Variants in PCLO observed in about 807,000 individuals in gnomAD.
The protein encoded by PCLO is piccolo presynaptic cytomatrix protein, also known as protein piccolo.
In PCLO, 82 loss-of-function variants were observed where a neutral mutation model predicts 427.5. The observed-to-expected ratio is 0.19, with a 90% confidence interval of 0.16 to 0.23. PCLO has a LOEUF of 0.23. Among genes scored for constraint, PCLO ranks in the 10% least tolerant of loss-of-function variants. PCLO has a pLI of 1.00. For missense variants in PCLO, 6,239 were observed against 6,115.9 expected, an observed-to-expected ratio of 1.02 and a Z score of -0.67; for synonymous variants, 2,357 against 2,155.4, an observed-to-expected ratio of 1.09 and a Z score of -2.59.
At chr7:83,087,976 T>G (rs960772816) in intron 3 of PCLO, among the ~76,000 whole-genome samples, 8 of 152,202 alleles carry the variant, frequency 5.3e-5, no homozygotes, top group African/African-American at 1.7e-4. Flanking sequence ...GAAGGCATAC[T>G]CTAAATATTA....
rs1426678493 is a variant in PCLO at position 82,952,045 on chromosome 7, T to C, written c.8908A>G (p.Arg2970Gly). The part of the protein sequence containing the change: ...TTLPEDRFGY[R>G]DDHYQYDRSG... ...CGATCATACTGATAGTGGTCATCCC[T>C]ATAACCAAAACGATCCTCAGGAAGA... The change falls in exon 5 of 25, where the codon AGG becomes GGG. Residue 2970 changes from arginine to glycine, a missense_variant. By Grantham distance (125) the Arg-to-Gly change is moderately radical (BLOSUM62 -2). Transcript: ENST00000333891. 7 of 1,613,852 alleles carry C rather than the reference T, an allele frequency of 4.3e-6. No homozygotes were observed. Among genetic ancestry groups the C allele is most frequent in the Non-Finnish European group, 5.9e-6 (7 of 1,179,850 alleles).
rs1562792583 is a variant in PCLO at position 82,801,599 on chromosome 7, G to C, written c.14934-8C>G. 1 of 1,530,314 alleles carries C rather than the reference G, an allele frequency of 6.5e-7. No individual in the cohort carries two copies. The highest frequency in any genetic ancestry group is 9.0e-7 in the Non-Finnish European group (1 of 1,106,014). The allele number at this position is 1,530,314 out of a possible 1,614,324, so 94.8% of individuals were successfully genotyped here. A position where few individuals can be genotyped will look rare whatever the true frequency, so the allele number is the denominator to read the frequency against. On this transcript the variant is annotated splice_region_variant and splice_polypyrimidine_tract_variant and intron_variant, in intron 21 of 24. Coordinates refer to ENST00000333891, the MANE Select transcript of PCLO (RefSeq NM_033026.6). ...TTCTGTCCCATCTTCCCTCTGTTTAGAAATAAAATAAAATGATATATTCAG... is the reference window on the plus strand; with the variant it reads ...TTCTGTCCCATCTTCCCTCTGTTTACAAATAAAATAAAATGATATATTCAG...
At chr7:83,118,448 G>A (rs1791188162) in intron 3 of PCLO, among the ~76,000 whole-genome samples, 1 of 152,082 alleles carries the variant, frequency 6.6e-6, no homozygotes, top group Non-Finnish European at 1.5e-5. Flanking sequence ...ACAGAAGAGG[G>A]TAGAAAGGAC....
At chr7:83,063,432 A>G (rs1789588443) in intron 3 of PCLO, among the ~76,000 whole-genome samples, 1 of 152,106 alleles carries the variant, frequency 6.6e-6, no homozygotes, top group Non-Finnish European at 1.5e-5. Context: ...AATAGAAGCC[A>G]TATTTCAAAT....
chr7:82,954,397 A>T lies in PCLO; in HGVS notation c.6556T>A (p.Ser2186Thr), dbSNP rs1258039438. ...VPPSDTPSLTSSVSSVCTTDS... is the reference protein window; with the variant it reads ...VPPSDTPSLTTSVSSVCTTDS... Reference sequence around the variant, plus strand: ...GTGGTACAGACCGAAGAAACAGATGATGTGAGAGAAGGTGTGTCAGAGGGT... The same window carrying T: ...GTGGTACAGACCGAAGAAACAGATGTTGTGAGAGAAGGTGTGTCAGAGGGT... The change falls in exon 5 of 25, where the codon TCA becomes ACA. Residue 2186 changes from serine (S) to threonine (T), a missense_variant. Physicochemically the swap from Ser to Thr is moderately conservative, Grantham distance 58 (BLOSUM62 1). Transcript: ENST00000333891. 12 of 1,613,920 alleles carry T rather than the reference A, an allele frequency of 7.4e-6. No homozygotes were observed. Among genetic ancestry groups the T allele is most frequent in the Non-Finnish European group, 8.5e-6 (10 of 1,179,844 alleles).
In PCLO at chr7:83,036,062, T is replaced by C. The variant is rs374562440; in HGVS notation, c.3301-69575A>G. Reference sequence around the variant, plus strand: ...CTTCCTATAAAATATGTTAGTTTATTTGGGACTCAGGTTCTGTCCTGATCC... The same window carrying C: ...CTTCCTATAAAATATGTTAGTTTATCTGGGACTCAGGTTCTGTCCTGATCC... On this transcript the variant is annotated intron_variant, in intron 3 of 24. Coordinates refer to ENST00000333891, the MANE Select transcript of PCLO (RefSeq NM_033026.6). Among the ~76,000 whole-genome samples, 5 of 152,314 alleles carry C rather than the reference T, an allele frequency of 3.3e-5. No individual in the cohort carries two copies. The South Asian group carries it at 1.0e-3, about 32-fold the overall frequency.
chr7:83,125,018 G>A (rs914948732), intron 3 of PCLO, among the ~76,000 whole-genome samples: 1 of 152,138 alleles, frequency 6.6e-6, no homozygotes, highest in African/African-American at 2.4e-5. Context: ...GGCCTCCCGA[G>A]GTGCTGGGAT....
chr7:82,858,560 C>T (rs1196013536), intron 10 of PCLO, among the ~76,000 whole-genome samples: 6 of 152,074 alleles, frequency 3.9e-5, no homozygotes, highest in Non-Finnish European at 8.8e-5. Flanking sequence ...ACAGTCAAGA[C>T]TCCACCAAAA....
At chr7:82,764,771 C>T (rs1790498792) in intron 22 of PCLO, among the ~76,000 whole-genome samples, 1 of 151,774 alleles carries the variant, frequency 6.6e-6, no homozygotes, top group Admixed American at 6.6e-5. Context: ...ATCCGTGTAC[C>T]ACTTATGTAA....
At chr7:82,843,746 A>G (rs1584037735) in intron 13 of PCLO, among the ~76,000 whole-genome samples, 1 of 150,432 alleles carries the variant, frequency 6.6e-6, no homozygotes, top group South Asian at 2.1e-4. Context: ...GCTCACTGCA[A>G]CTCCGCCTCC....
chr7:82,806,847 G>C (rs1161560047), intron 20 of PCLO, among the ~76,000 whole-genome samples: 1 of 152,180 alleles, frequency 6.6e-6, no homozygotes, highest in Non-Finnish European at 1.5e-5. Context: ...TCTTCCTCTT[G>C]TGATATTATT....
intron 3 of PCLO, among the ~76,000 whole-genome samples, chr7:83,023,910 CTTTA>C (rs1215673041): frequency 2.0e-5 from 3 of 152,126 alleles, no homozygotes; most frequent in South Asian, 4.1e-4. Flanking sequence ...TTCCTAGAAA[CTTTA>C]TTTTTCTGGA....
chr7:83,007,828 G>C (rs575835259), intron 3 of PCLO, among the ~76,000 whole-genome samples: 48 of 151,492 alleles, frequency 3.2e-4, no homozygotes, highest in Non-Finnish European at 6.2e-4. Flanking sequence ...ATCTACTTCA[G>C]AGAGTTGTTA....
chr7:82,975,806 A>C (rs978143899), intron 3 of PCLO, among the ~76,000 whole-genome samples: 1 of 148,326 alleles, frequency 6.7e-6, no homozygotes, highest in Non-Finnish European at 1.5e-5. Context: ...CATGATAGTG[A>C]GGAAGTTCTC....
intron 2 of PCLO, among the ~76,000 whole-genome samples, chr7:83,145,033 A>G (rs1246746695): frequency 6.6e-6 from 1 of 152,222 alleles, no homozygotes; most frequent in Non-Finnish European, 1.5e-5. Context: ...ACTACTTTAT[A>G]TTGAAGTGAG....
At chr7:82,759,644 T>C (rs910116684) in intron 24 of PCLO, among the ~76,000 whole-genome samples, 2 of 151,970 alleles carry the variant, frequency 1.3e-5, no homozygotes, top group South Asian at 4.1e-4. Context: ...TATCAGTTAA[T>C]CTTCTCAATA....
rs749174291 is a variant in PCLO, at chr7:82,954,870, T to C, written c.6083A>G (p.Asp2028Gly). The C allele has an allele frequency of 1.9e-6, 3 of 1,613,934 alleles. No homozygotes were observed. The highest frequency in any genetic ancestry group is 2.5e-6 in the Non-Finnish European group (3 of 1,179,850). The change falls in exon 5 of 25, where the codon GAT becomes GGT. Residue 2028 changes from aspartate to glycine, a missense_variant. Asp to Gly is a moderately conservative substitution (Grantham distance 94). Coordinates refer to ENST00000333891, the MANE Select transcript of PCLO (RefSeq NM_033026.6). Reference sequence around the variant, plus strand: ...GATGATAAAAGAGCTTGAAACAATATCTTCCTGAGGCACAACAGAATGTAA... The same window carrying C: ...GATGATAAAAGAGCTTGAAACAATACCTTCCTGAGGCACAACAGAATGTAA... The part of the protein sequence containing the change: ...ESLHSVVPQE[D>G]IVSSSFIIPE...
At chr7:83,089,547 G>A (rs1790325479) in intron 3 of PCLO, among the ~76,000 whole-genome samples, 1 of 152,154 alleles carries the variant, frequency 6.6e-6, no homozygotes, top group South Asian at 2.1e-4. Flanking sequence ...ACACACTGCT[G>A]TAGGTAATGC....
chr7:83,093,492 A>ATATATATATATTTTTTTTTTTT, intron 3 of PCLO, among the ~76,000 whole-genome samples: 7 of 59,314 alleles, frequency 1.2e-4, no homozygotes, highest in Non-Finnish European at 2.0e-4. Flanking sequence ...ATATATATAT[A>ATATATATATATTTTTTTTTTTT]TTTTTTTTTT....
Sources: allele counts gnomAD v4.1 joint callset (sites outside exome capture counted in the v4.1 genomes callset), GRCh38; gene constraint gnomAD v4.1.1; transcripts MANE v1.5; gene names NCBI Gene and HGNC (gene_info 2026-07-23, HGNC 2026-07-21).